The following BCAS3 variants were observed in gnomAD, a reference collection of about 807,000 sequenced individuals.
The protein encoded by BCAS3 is BCAS4/BCAS3 fusion.
A neutral mutation model predicts 116.1 loss-of-function variants in BCAS3; 53 were observed. The observed-to-expected ratio is 0.46, with a 90% CI of 0.37 to 0.57. The LOEUF (loss-of-function observed/expected upper bound fraction) is 0.57, where lower values mean the gene tolerates loss of function less well. Among genes scored for constraint, BCAS3 ranks in the 20% least tolerant of loss-of-function variants. The pLI is 0.00. For synonymous variants in BCAS3, 391 were observed against 408.2 expected (o/e 0.96, Z 0.51); for missense variants, 917 against 1,165.4 (o/e 0.79, Z 3.10).
chr17:60,952,202 T>G (rs2060881246), intron 14 of BCAS3, among the ~76,000 whole-genome samples: 1 of 152,212 alleles, frequency 6.6e-6, no homozygotes, highest in Non-Finnish European at 1.5e-5. Flanking sequence ...GTTGCTACAG[T>G]TTAGAAAAGA....
rs1326268964 is a variant in BCAS3 at position 61,366,558 on chromosome 17, A to G, written c.2426-1769A>G. The stretch of plus-strand genomic sequence containing the variant: ...CCAGTGCACAGCTCTAGCACAGTTC[A>G]GGCCTTGGGAGAATTATCTGACACC... On this transcript the variant is annotated intron_variant, in intron 22 of 23. Transcript: ENST00000407086. This position sits in a 1 kb window ranked among gnomAD's most constrained non-coding sequence, Gnocchi z 4.5. 6.6e-6 allele frequency among the ~76,000 whole-genome samples: 1 copy of G among 152,190 alleles called. No homozygotes were observed. Among genetic ancestry groups the G allele is most frequent in the African/African-American group, 2.4e-5 (1 of 41,444 alleles).
In BCAS3 at chr17:61,089,810, G is replaced by T. The variant is rs145436103; in HGVS notation, c.2425+5246G>T. On this transcript the variant is annotated intron_variant, in intron 22 of 23. Coordinates refer to ENST00000407086, the MANE Select transcript of BCAS3 (RefSeq NM_017679.5). The stretch of plus-strand genomic sequence containing the variant: ...GCCTCCCAAAGTGCTGGGATTACAG[G>T]CATGAACCACCGCGCCCAACCTGGG... Among the ~76,000 whole-genome samples, 27 of 151,498 alleles carry T rather than the reference G, an allele frequency of 1.8e-4. No individual in the cohort carries two copies. The East Asian group carries it at 5.3e-3, about 30-fold the overall frequency.
At chr17:60,731,764 C>T (rs1015362980) in intron 5 of BCAS3, among the ~76,000 whole-genome samples, 3 of 150,494 alleles carry the variant, frequency 2.0e-5, no homozygotes, top group African/African-American at 7.4e-5. Flanking sequence ...CTCATGTATC[C>T]GCTTATCACC....
rs1436770937 is a variant in BCAS3 at position 61,228,127 on chromosome 17, C to A, written c.2426-140200C>A. On this transcript the variant is annotated intron_variant, in intron 22 of 23. Coordinates refer to ENST00000407086, the MANE Select transcript of BCAS3 (RefSeq NM_017679.5). The surrounding 1 kb of genome is among the most constrained non-coding windows in gnomAD (Gnocchi z 5.0). ...GGCCCAGTAGAAACCAGCAGTAGGA[C>A]CTTCCTCAATTTTCAGCAAGTAGGA... 6.6e-6 allele frequency among the ~76,000 whole-genome samples: 1 copy of A among 152,168 alleles called. No homozygotes were observed. The highest frequency in any genetic ancestry group is 1.5e-5 in the Non-Finnish European group (1 of 68,022).
At chr17:61,298,194 A>G (rs530312474) in intron 22 of BCAS3, among the ~76,000 whole-genome samples, 1 of 152,276 alleles carries the variant, frequency 6.6e-6, no homozygotes, top group South Asian at 2.1e-4. Context: ...CACTCACCAA[A>G]GACATAGGCC....
intron 6 of BCAS3, among the ~76,000 whole-genome samples, chr17:60,774,667 G>C (rs1260492911): frequency 3.9e-5 from 6 of 152,184 alleles, no homozygotes; most frequent in Non-Finnish European, 8.8e-5. Flanking sequence ...CATTAGTCTA[G>C]AGCAGGGGTC....
At chr17:60,959,553 G>T (rs988894448) in intron 14 of BCAS3, among the ~76,000 whole-genome samples, 1 of 152,090 alleles carries the variant, frequency 6.6e-6, no homozygotes, top group Admixed American at 6.6e-5. Flanking sequence ...ATTGCTGTTG[G>T]TACAGCTTCT....
intron 10 of BCAS3, among the ~76,000 whole-genome samples, chr17:60,900,773 A>G (rs1022760906): frequency 6.6e-6 from 1 of 151,654 alleles, no homozygotes; most frequent in Admixed American, 6.6e-5. Context: ...CACTATTTCT[A>G]TAGTGCAAAA....
intron 22 of BCAS3, among the ~76,000 whole-genome samples, chr17:61,237,516 A>T (rs568975452): frequency 6.6e-6 from 1 of 152,228 alleles, no homozygotes; most frequent in Non-Finnish European, 1.5e-5. Context: ...TGCTCTTCAC[A>T]ATAAATCTTG....
intron 6 of BCAS3, among the ~76,000 whole-genome samples, chr17:60,792,437 G>C (rs2144546923): frequency 6.6e-6 from 1 of 152,326 alleles, no homozygotes; most frequent in East Asian, 1.9e-4. Context: ...GCAGGCATGG[G>C]ATCCAGCCTG....
chr17:60,998,252 A>G (rs781009539), intron 15 of BCAS3, among the ~76,000 whole-genome samples: 10 of 152,178 alleles, frequency 6.6e-5, no homozygotes, highest in Non-Finnish European at 1.0e-4. Context: ...CACCATTGAT[A>G]GGCACTTTGG....
At position 60,710,218 on chromosome 17, in the gene BCAS3, T is replaced by G. The variant is rs572491179; in HGVS notation, c.321+893T>G. 2.7e-4 allele frequency among the ~76,000 whole-genome samples: 41 copies of G among 152,282 alleles called. No homozygotes were observed. In the South Asian group the frequency reaches 6.2e-3, roughly 23 times the overall value. On this transcript the variant is annotated intron_variant, in intron 5 of 23. Transcript: ENST00000407086. ...TAATAATTGTATTCAGGAAACTTGT[T>G]TGAAGCCCCATGAGTATGTGTGTAT... is the stretch of plus-strand genomic sequence containing the variant.
chr17:61,231,973 G>A (rs1379526889), intron 22 of BCAS3, among the ~76,000 whole-genome samples: 4 of 151,404 alleles, frequency 2.6e-5, no homozygotes, highest in South Asian at 2.1e-4. Flanking sequence ...TTGGGAGGCC[G>A]AGGGGGGTGG....
At position 61,300,548 on chromosome 17, in the gene BCAS3, C is replaced by G. The variant is rs2053347050; in HGVS notation, c.2426-67779C>G. ...TGTATGGCATCTTGACGCAGTGTTCCTGGCCAAAAAAGAAAAGAAAAGAAA... is the reference window on the plus strand; with the variant it reads ...TGTATGGCATCTTGACGCAGTGTTCGTGGCCAAAAAAGAAAAGAAAAGAAA... On this transcript the variant is annotated intron_variant, in intron 22 of 23. Transcript: ENST00000407086. The surrounding 1 kb of genome is among the most constrained non-coding windows in gnomAD (Gnocchi z 5.1). 6.6e-6 allele frequency among the ~76,000 whole-genome samples: 1 copy of G among 151,892 alleles called. No individual in the cohort carries two copies. Among genetic ancestry groups the G allele is most frequent in the African/African-American group, 2.4e-5 (1 of 41,338 alleles).
At chr17:60,751,704 G>A (rs144711838) in intron 6 of BCAS3, among the ~76,000 whole-genome samples, 1,627 of 151,980 alleles carry the variant, frequency 0.011, 34 homozygotes, top group African/African-American at 0.037. Flanking sequence ...CACCACACCC[G>A]ACTAGTTTTT....
intron 22 of BCAS3, among the ~76,000 whole-genome samples, chr17:61,306,998 C>A (rs1362405806): frequency 2.6e-5 from 4 of 152,214 alleles, no homozygotes; most frequent in African/African-American, 9.6e-5. Flanking sequence ...GGTCTCTTGG[C>A]CAATTTGGCA....
At position 61,346,761 on chromosome 17, in the gene BCAS3, G is replaced by T. The variant is rs1186783056; in HGVS notation, c.2426-21566G>T. Among the ~76,000 whole-genome samples, 2 of 152,184 alleles carry T rather than the reference G, an allele frequency of 1.3e-5. No individual in the cohort carries two copies. The highest frequency in any genetic ancestry group is 4.8e-5 in the African/African-American group (2 of 41,440). Reference sequence around the variant, plus strand: ...GCCAAGTGTAGGAGAAGGCATGAAGGCAAGCCACTTCACCACAGTCTCATC... The same window carrying T: ...GCCAAGTGTAGGAGAAGGCATGAAGTCAAGCCACTTCACCACAGTCTCATC... On this transcript the variant is annotated intron_variant, in intron 22 of 23. Transcript: ENST00000407086. This position sits in a 1 kb window ranked among gnomAD's most constrained non-coding sequence, Gnocchi z 5.4.
At chr17:60,682,901 T>C (rs2033396270) in intron 2 of BCAS3, among the ~76,000 whole-genome samples, 1 of 152,198 alleles carries the variant, frequency 6.6e-6, no homozygotes, top group South Asian at 2.1e-4. Flanking sequence ...ATTAATTTAG[T>C]GTCCTTACTT....
chr17:60,718,020 C>T (rs571818912), intron 5 of BCAS3, among the ~76,000 whole-genome samples: 14 of 152,296 alleles, frequency 9.2e-5, no homozygotes, highest in Admixed American at 5.9e-4. Flanking sequence ...TTCACATGCG[C>T]GGTTCACGTT....
Sources: allele counts gnomAD v4.1 joint callset (sites outside exome capture counted in the v4.1 genomes callset), GRCh38; gene constraint gnomAD v4.1.1; non-coding constraint Gnocchi (gnomAD v3.1); transcripts MANE v1.5; gene names NCBI Gene and HGNC (gene_info 2026-07-23, HGNC 2026-07-21).